Variants in RIMS2 observed in about 807,000 individuals in gnomAD.
The protein encoded by RIMS2 is regulating synaptic membrane exocytosis 2, also known as regulating synaptic membrane exocytosis protein 2.
A neutral mutation model predicts 174.4 loss-of-function variants in RIMS2; 59 were observed. That is an observed-to-expected ratio of 0.34 (90% confidence interval 0.27 to 0.42). The LOEUF (loss-of-function observed/expected upper bound fraction) is 0.42, where lower values mean the gene tolerates loss of function less well. RIMS2 is among the 10% of genes least tolerant of loss of function. The pLI is 1.00. For synonymous variants in RIMS2, 606 were observed against 572.5 expected (o/e 1.06, Z -0.84); for missense variants, 1,620 against 1,666.3 (o/e 0.97, Z 0.48).
At chr8:104,246,970 C>T (rs2441807) in intron 20 of RIMS2, among the ~76,000 whole-genome samples, 46,232 of 148,806 alleles carry the variant, frequency 0.31, 7,311 homozygotes, top group African/African-American at 0.38. Flanking sequence ...ATCTGACTTC[C>T]GTTTTTGGCA....
At position 103,651,592 on chromosome 8, in the gene RIMS2, T is replaced by G. The variant is rs138854560; in HGVS notation, c.177-45494T>G. Among the ~76,000 whole-genome samples the G allele has an allele frequency of 6.2e-3, 939 of 152,350 alleles. 12 individuals carry two copies. The highest frequency in any genetic ancestry group is 0.021 in the African/African-American group (889 of 41,584). ...TTGATTATTATAGTTATTTCTATAC[T>G]ATTTATTTAAATTCATTTTCAGTCT... On this transcript the variant is annotated intron_variant, in intron 1 of 23. Coordinates refer to ENST00000504942, the Ensembl canonical transcript of RIMS2.
At chr8:104,254,920 C>A (rs1333608813), downstream of RIMS2, 2 of 152,174 alleles carry the variant, frequency 1.3e-5, no homozygotes, top group Non-Finnish European at 1.5e-5. Context: ...CATGTAACAA[C>A]CTGTCCGGAG....
At chr8:103,589,974 A>G (rs1178077686) in intron 1 of RIMS2, among the ~76,000 whole-genome samples, 2 of 151,406 alleles carry the variant, frequency 1.3e-5, no homozygotes, top group East Asian at 3.9e-4. Context: ...GGAATGGTTA[A>G]TGGGTCCAAA....
chr8:103,665,879 T>G (rs1290076955), intron 1 of RIMS2, among the ~76,000 whole-genome samples: 2 of 152,190 alleles, frequency 1.3e-5, no homozygotes, highest in African/African-American at 2.4e-5. Context: ...CTAAAAAATG[T>G]TTTTCTTCTA....
chr8:103,930,519 G>T (rs950071332), intron 11 of RIMS2, among the ~76,000 whole-genome samples: 16 of 152,054 alleles, frequency 1.1e-4, no homozygotes, highest in African/African-American at 3.6e-4. Flanking sequence ...TGTGTGGGAG[G>T]TGATAACTGT....
At chr8:103,586,341 G>A (rs1032085464) in intron 1 of RIMS2, among the ~76,000 whole-genome samples, 1 of 152,262 alleles carries the variant, frequency 6.6e-6, no homozygotes. Context: ...TAGACTATAT[G>A]TTGGGTTACA....
intron 22 of RIMS2, 38 bp downstream of exon 28, chr8:104,249,626 T>G: frequency 8.5e-7 from 1 of 1,171,620 alleles, no homozygotes; most frequent in Non-Finnish European, 1.3e-6. Context: ...TTGTCCATAA[T>G]CCATATTGTT....
chr8:103,830,763 T>C (rs992099018), intron 3 of RIMS2, among the ~76,000 whole-genome samples: 1 of 152,220 alleles, frequency 6.6e-6, no homozygotes, highest in African/African-American at 2.4e-5. Context: ...GCTTTTGCTC[T>C]ATGTGCCTTA....
intron 1 of RIMS2, among the ~76,000 whole-genome samples, chr8:103,501,931 TTATCTTTAGC>T (rs1820320902): frequency 6.6e-6 from 1 of 152,154 alleles, no homozygotes; most frequent in Non-Finnish European, 1.5e-5. Flanking sequence ...CCAGACAGGG[TTATCTTTAGC>T]TCTGAGACTA....
chr8:103,850,060 C>G (rs1219295293), intron 3 of RIMS2, among the ~76,000 whole-genome samples: 1 of 151,878 alleles, frequency 6.6e-6, no homozygotes, highest in East Asian at 1.9e-4. Context: ...AGAAGGAAAA[C>G]AATATTGAAT....
chr8:104,252,051 T>C (rs1224096714), downstream of RIMS2: 2 of 552,106 alleles, frequency 3.6e-6, no homozygotes, highest in Middle Eastern at 4.7e-4. Context: ...TGGAATTCAA[T>C]GACACTCGAG....
chr8:103,712,394 G>A (rs2097317153), intron 2 of RIMS2, among the ~76,000 whole-genome samples: 1 of 151,962 alleles, frequency 6.6e-6, no homozygotes, highest in Admixed American at 6.6e-5. Flanking sequence ...AATACTCTTA[G>A]CTCACTGGAC....
At chr8:104,194,430 CTGAA>C (rs1363152685) in intron 19 of RIMS2, among the ~76,000 whole-genome samples, 3 of 152,166 alleles carry the variant, frequency 2.0e-5, no homozygotes, top group Middle Eastern at 6.8e-3. Flanking sequence ...TAAATAAAGA[CTGAA>C]TGTAAAATTA....
chr8:103,688,224 T>A (rs746233720), intron 1 of RIMS2, among the ~76,000 whole-genome samples: 8 of 152,124 alleles, frequency 5.3e-5, no homozygotes, highest in African/African-American at 1.9e-4. Context: ...TGATGTTAGC[T>A]GTGGGTTTGT....
intron 1 of RIMS2, among the ~76,000 whole-genome samples, chr8:103,599,950 A>G (rs1028563464): frequency 2.0e-5 from 3 of 152,156 alleles, no homozygotes; most frequent in African/African-American, 7.2e-5. Flanking sequence ...TATTTTGACT[A>G]TAGTCACCCT....
chr8:104,189,464 C>T (rs1004186234), intron 19 of RIMS2, among the ~76,000 whole-genome samples: 4 of 151,788 alleles, frequency 2.6e-5, no homozygotes, highest in African/African-American at 9.7e-5. Context: ...GTAACTGAAC[C>T]TAATATTTCC....
intron 1 of RIMS2, among the ~76,000 whole-genome samples, chr8:103,553,318 C>G (rs895415056): frequency 5.3e-5 from 8 of 152,018 alleles, no homozygotes; most frequent in African/African-American, 1.9e-4. Context: ...AAGCTGGAAA[C>G]CATCATTCCG....
At chr8:104,083,075 C>T (rs1327673875) in intron 19 of RIMS2, among the ~76,000 whole-genome samples, 1 of 152,160 alleles carries the variant, frequency 6.6e-6, no homozygotes, top group Non-Finnish European at 1.5e-5. Context: ...TGATGCTTCT[C>T]TGTCTTCTCA....
At chr8:103,596,951 A>G (rs1325370437) in intron 1 of RIMS2, among the ~76,000 whole-genome samples, 1 of 152,072 alleles carries the variant, frequency 6.6e-6, no homozygotes, top group Non-Finnish European at 1.5e-5. Context: ...CACAATATGA[A>G]TCTTAATATT....
Sources: gnomAD v4.1 joint callset for allele counts (sites outside exome capture counted in the v4.1 genomes callset) on GRCh38, gnomAD v4.1.1 for gene constraint, MANE v1.5 for transcripts, NCBI Gene and HGNC (gene_info 2026-07-23, HGNC 2026-07-21) for gene names.